Variants in SMCO1 observed in about 807,000 individuals in gnomAD.
SMCO1 encodes the protein single-pass membrane and coiled-coil domain-containing protein 1.
SMCO1 carries 9 observed loss-of-function variants against 7.5 expected under a neutral mutation model. The observed-to-expected ratio is 1.20, with a 90% CI of 0.72 to 2.09. SMCO1 has a LOEUF of 2.09. Among genes scored for constraint, SMCO1 ranks in the 30% most tolerant of loss-of-function variants. The pLI is 0.00. For synonymous variants in SMCO1, 90 were observed against 93.8 expected, an observed-to-expected ratio of 0.96 and a Z score of 0.23; for missense variants, 219 against 253.1, an observed-to-expected ratio of 0.87 and a Z score of 0.91.
the SMCO1 span, among the ~76,000 whole-genome samples, chr3:196,520,878 AGAT>A: frequency 6.6e-6 from 1 of 152,240 alleles, no homozygotes; most frequent in South Asian, 2.1e-4. Flanking sequence ...TTAGATATAG[AGAT>A]GATCATGGAT....
At chr3:196,511,412 G>A (rs1488195806) in intron 1 of SMCO1, among the ~76,000 whole-genome samples, 1 of 128,430 alleles carries the variant, frequency 7.8e-6, no homozygotes. Context: ...AACCTGCCTG[G>A]GCCACCTAGA....
At chr3:196,519,760 C>G (rs577595592), upstream of SMCO1, among the ~76,000 whole-genome samples, 5 of 152,170 alleles carry the variant, frequency 3.3e-5, no homozygotes, top group Admixed American at 1.3e-4. Context: ...ACAGATCACA[C>G]AAGTCTAGGA....
At chr3:196,510,954 G>A (rs756868769) in intron 1 of SMCO1, among the ~76,000 whole-genome samples, 3 of 152,188 alleles carry the variant, frequency 2.0e-5, no homozygotes, top group African/African-American at 4.8e-5. Flanking sequence ...GAGTAGCTCC[G>A]AACAGCCATG....
At chr3:196,512,513 T>C (rs909123055) in intron 1 of SMCO1, among the ~76,000 whole-genome samples, 63 of 143,548 alleles carry the variant, frequency 4.4e-4, no homozygotes, top group Admixed American at 2.5e-3. Context: ...TCCTTTCTTT[T>C]TTTTTTTTTT....
chr3:196,509,290 T>A (rs1325955906), intron 2 of SMCO1, among the ~76,000 whole-genome samples: 1 of 150,030 alleles, frequency 6.7e-6, no homozygotes, highest in African/African-American at 2.5e-5. Flanking sequence ...GGTCTCGATC[T>A]CCTGACCTCG....
intron 2 of SMCO1, among the ~76,000 whole-genome samples, chr3:196,509,053 CT>C (rs945980231): frequency 5.5e-5 from 8 of 146,348 alleles, no homozygotes; most frequent in East Asian, 4.1e-4. Flanking sequence ...TCAAATTAAT[CT>C]TTTTTTTTTC....
intron 1 of SMCO1, among the ~76,000 whole-genome samples, chr3:196,513,615 G>A (rs1261529134): frequency 3.5e-5 from 4 of 113,600 alleles, no homozygotes; most frequent in Non-Finnish European, 6.8e-5. Context: ...GTGACAGAGT[G>A]AGACTCTGTC....
In SMCO1 at chr3:196,508,065, T is replaced by C. The variant is rs1038947502; in HGVS notation, c.467A>G (p.Lys156Arg). 3.1e-6 allele frequency: 5 copies of C among 1,614,084 alleles called. No individual in the cohort carries two copies. Among genetic ancestry groups the C allele is most frequent in the Non-Finnish European group, 4.2e-6 (5 of 1,180,044 alleles). The change falls in exon 3 of 3, where the codon AAA (lysine) becomes AGA (arginine). Residue 156 changes from lysine to arginine, a missense_variant. Physicochemically the swap from Lys to Arg is conservative, Grantham distance 26 (BLOSUM62 2). Coordinates refer to ENST00000397537, the MANE Select transcript of SMCO1 (RefSeq NM_001077657.3). ...ATCCCTGATGTACATCTGCCTCACT[T>C]TAGCAGTATAGTGTTCTGCCTTGTT... ...RGNKAEHYTA[K>R]VRQMYIRDVT...
upstream of SMCO1, among the ~76,000 whole-genome samples, chr3:196,518,648 C>A (rs571863017): frequency 3.9e-5 from 6 of 152,324 alleles, no homozygotes; most frequent in African/African-American, 1.4e-4. Context: ...GTAGCCATGT[C>A]ATTTTTGGGG....
Position 196,509,636 on chromosome 3 carries a change from C to G in SMCO1, c.84G>C (p.Gln28His). ...VDHKLQALET[Q>H]FKELDFTKDN... is the part of the protein sequence containing the mutation. ...CCTTGGTGAAGTCTAGTTCTTTGAA[C>G]TGTGTTTCTAACGCTTGGAGTTTGT... Residue 28 changes from glutamine to histidine, a missense_variant, in exon 2 of 3, where the codon CAG becomes CAC. Physicochemically the swap from Gln to His is conservative, Grantham distance 24. Transcript: ENST00000397537. 7 of 1,614,056 alleles carry G rather than the reference C, an allele frequency of 4.3e-6. No individual in the cohort carries two copies. The highest frequency in any genetic ancestry group is 5.9e-6 in the Non-Finnish European group (7 of 1,179,970).
chr3:196,507,819 G>A lies in SMCO1; in HGVS notation c.*68C>T. On this transcript the variant is annotated 3_prime_UTR_variant, in exon 3 of 3. Coordinates refer to ENST00000397537, the MANE Select transcript of SMCO1 (RefSeq NM_001077657.3). Reference sequence around the variant, plus strand: ...TATAAAAATAAGACTATAATAAATTGTGCATACTTTTTGCTGTTTCCAAGA... The same window carrying A: ...TATAAAAATAAGACTATAATAAATTATGCATACTTTTTGCTGTTTCCAAGA... 1 of 868,190 alleles carries A rather than the reference G, an allele frequency of 1.2e-6. No homozygotes were observed. Among genetic ancestry groups the A allele is most frequent in the Non-Finnish European group, 1.8e-6 (1 of 557,856 alleles). The allele number at this position is 868,190 out of a possible 1,614,324, so 53.8% of individuals were successfully genotyped here. A position where few individuals can be genotyped will look rare whatever the true frequency, so the allele number is the denominator to read the frequency against.
chr3:196,518,111 A>G (rs1733427558), upstream of SMCO1, among the ~76,000 whole-genome samples: 1 of 152,230 alleles, frequency 6.6e-6, no homozygotes, highest in African/African-American at 2.4e-5. Context: ...TAGAAGTAAC[A>G]TGTACAGGCA....
At chr3:196,515,983 GATAGGATATATATATATATATAT>G (rs1427332839), upstream of SMCO1, among the ~76,000 whole-genome samples, 24 of 81,870 alleles carry the variant, frequency 2.9e-4, no homozygotes, top group Admixed American at 1.8e-3. Flanking sequence ...CGGGCAAGAG[GATAGGATATATATATATATATAT>G]ATATATATAT....
At position 196,508,005 on chromosome 3, in the gene SMCO1, T is replaced by G. The variant is rs1733097143; in HGVS notation, c.527A>C (p.Gln176Pro). 1 of 1,614,188 alleles carries G rather than the reference T, an allele frequency of 6.2e-7. No individual in the cohort carries two copies. Among genetic ancestry groups the G allele is most frequent in the African/African-American group, 1.3e-5 (1 of 75,046 alleles). Residue 176 changes from glutamine (Q) to proline (P), a missense_variant, in exon 3 of 3, where the codon CAG becomes CCG. Physicochemically the swap from Gln to Pro is moderately conservative, Grantham distance 76. Transcript: ENST00000397537. ...CCTCAGCAAACTGTCCTGCAGAGCC[T>G]GGTTCTTTACCATGTTAGTAATTAG... ...TFLITNMVKN[Q>P]ALQDSLLRAV...
upstream of SMCO1, among the ~76,000 whole-genome samples, chr3:196,518,350 C>A (rs1006191431): frequency 1.1e-4 from 17 of 152,248 alleles, no homozygotes; most frequent in African/African-American, 4.1e-4. Flanking sequence ...CTGTTCTCTT[C>A]CTTCTTGCCT....
At chr3:196,513,419 A>G (rs1444927309) in intron 1 of SMCO1, among the ~76,000 whole-genome samples, 1 of 152,110 alleles carries the variant, frequency 6.6e-6, no homozygotes, top group Non-Finnish European at 1.5e-5. Flanking sequence ...TCATGAGGTC[A>G]AGAGATCGAG....
At chr3:196,511,933 C>CGCCT (rs1733247926) in intron 1 of SMCO1, among the ~76,000 whole-genome samples, 4 of 60,294 alleles carry the variant, frequency 6.6e-5, no homozygotes, top group African/African-American at 3.2e-4. Context: ...CTGCCTGGGC[C>CGCCT]ACCTAGATTG....
In SMCO1 at chr3:196,508,348, G is replaced by C. The variant is rs777347475; in HGVS notation, c.201-17C>G. The C allele has an allele frequency of 1.8e-5, 29 of 1,574,600 alleles. No individual in the cohort carries two copies. Among genetic ancestry groups the C allele is most frequent in the Non-Finnish European group, 2.3e-5 (27 of 1,161,850 alleles). On this transcript the variant is annotated splice_polypyrimidine_tract_variant and intron_variant, in intron 2 of 2. Transcript: ENST00000397537. ...GAAGTGAGCCTACAAAAAATATGGAGAGCTTCTTAAGCGGTCAAAAATATT... is the reference window on the plus strand; with the variant it reads ...GAAGTGAGCCTACAAAAAATATGGACAGCTTCTTAAGCGGTCAAAAATATT...
Position 196,515,219 on chromosome 3 carries a change from G to T in SMCO1, c.-10C>A. 1.3e-6 allele frequency: 2 copies of T among 1,597,154 alleles called. No individual in the cohort carries two copies. The highest frequency in any genetic ancestry group is 2.2e-5 in the South Asian group (2 of 89,616). On this transcript the variant is annotated 5_prime_UTR_variant, in exon 1 of 3. Transcript: ENST00000397537. ...TGGTTTCATTGTTCATCTTCTGAAG[G>T]CAAAAGGAAAGAAAACAAAAACAAA...
Sources: allele counts gnomAD v4.1 joint callset (sites outside exome capture counted in the v4.1 genomes callset), GRCh38; gene constraint gnomAD v4.1.1; transcripts MANE v1.5; gene names NCBI Gene and HGNC (gene_info 2026-07-23, HGNC 2026-07-21).